Variants in PAM observed in about 807,000 individuals in gnomAD.
PAM encodes peptidyl-glycine alpha-amidating monooxygenase.
Under a neutral mutation model 122.1 loss-of-function variants are expected in PAM, and 72 were observed. That is an observed-to-expected ratio of 0.59 (90% confidence interval 0.49 to 0.72). PAM has a LOEUF of 0.72. Among genes scored for constraint, PAM ranks in the 30% least tolerant of loss-of-function variants. PAM has a pLI of 0.00. For missense variants in PAM, 1,106 were observed against 1,183.7 expected (o/e 0.93, Z 0.96); for synonymous variants, 389 against 404.4 (o/e 0.96, Z 0.46).
At chr5:102,769,795 G>A (rs1445071524) in intron 1 of PAM, among the ~76,000 whole-genome samples, 1 of 151,920 alleles carries the variant, frequency 6.6e-6, no homozygotes, top group Non-Finnish European at 1.5e-5. Flanking sequence ...TGATTCCTCT[G>A]GTTTTGTTCT....
At chr5:103,001,011 T>G (rs1777229475) in intron 16 of PAM, among the ~76,000 whole-genome samples, 2 of 152,092 alleles carry the variant, frequency 1.3e-5, no homozygotes, top group South Asian at 4.1e-4. Context: ...CCACACAATT[T>G]GGGTGGGGAC....
At chr5:102,783,513 T>C (rs539201813) in intron 1 of PAM, among the ~76,000 whole-genome samples, 24 of 152,184 alleles carry the variant, frequency 1.6e-4, no homozygotes, top group Non-Finnish European at 3.2e-4. Flanking sequence ...CACTGAAGTT[T>C]TCCCACCGTA....
intron 4 of PAM, among the ~76,000 whole-genome samples, chr5:102,904,971 G>A (rs1403561617): frequency 6.6e-6 from 1 of 151,568 alleles, no homozygotes; most frequent in Non-Finnish European, 1.5e-5. Context: ...TGTGTGATGT[G>A]TCTATATATC....
chr5:102,914,451 G>A (rs975880401), intron 5 of PAM, among the ~76,000 whole-genome samples: 2 of 151,980 alleles, frequency 1.3e-5, no homozygotes, highest in African/African-American at 2.4e-5. Flanking sequence ...TTCAATATAT[G>A]TATATTGTTA....
In PAM at chr5:103,025,237, G is replaced by A. The variant is rs1189427338; in HGVS notation, c.2592G>A (p.Val864=). 1.9e-6 allele frequency: 3 copies of A among 1,613,712 alleles called. No homozygotes were observed. The highest frequency in any genetic ancestry group is 2.5e-6 in the Non-Finnish European group (3 of 1,179,672). The part of the protein sequence containing the change: ...QKLIKEPGSG[V]PVVLITTLLV... ...TGATCAAAGAGCCAGGCTCGGGAGT[G>A]CCTGTTGTTCTCATTACAACCCTTC... Residue 864 remains valine (V), a synonymous_variant, in exon 24 of 26, where the codon GTG becomes GTA. Transcript: ENST00000438793.
At chr5:102,783,653 C>G (rs1263863562) in intron 1 of PAM, among the ~76,000 whole-genome samples, 1 of 152,148 alleles carries the variant, frequency 6.6e-6, no homozygotes, top group African/African-American at 2.4e-5. Context: ...GAAATTAATT[C>G]TCTTTAAACT....
intron 23 of PAM, among the ~76,000 whole-genome samples, chr5:103,024,469 CA>C (rs1784409811): frequency 6.6e-6 from 1 of 152,062 alleles, no homozygotes; most frequent in African/African-American, 2.4e-5. Flanking sequence ...TTGCTGAAAA[CA>C]ATATAAAAGA....
rs1779374965 is a variant in PAM at position 103,007,440 on chromosome 5, T to G, written c.2015-17T>G. The G allele has an allele frequency of 1.3e-6, 2 of 1,581,212 alleles. No homozygotes were observed. On this transcript the variant is annotated splice_polypyrimidine_tract_variant and intron_variant, in intron 19 of 25. Transcript: ENST00000438793. ...ATTTTTAACATTGTGTATCTAAGGC[T>G]TTTTTTTGTTCTGCAGAGTCTTCAG...
chr5:102,789,684 G>A (rs1266737930), intron 1 of PAM, among the ~76,000 whole-genome samples: 3 of 152,004 alleles, frequency 2.0e-5, no homozygotes, highest in African/African-American at 7.2e-5. Context: ...TTCAGTTTGG[G>A]AAGATAAACA....
intron 16 of PAM, among the ~76,000 whole-genome samples, chr5:102,991,686 T>TG (rs1774124249): frequency 6.6e-6 from 1 of 152,132 alleles, no homozygotes; most frequent in South Asian, 2.1e-4. Context: ...TTGTCATACT[T>TG]GAAAATGGAA....
intron 14 of PAM, among the ~76,000 whole-genome samples, chr5:102,963,554 C>A (rs1345224145): frequency 6.6e-6 from 1 of 151,920 alleles, no homozygotes; most frequent in African/African-American, 2.4e-5. Context: ...TATTTTAATA[C>A]TTTTTAGCCC....
At chr5:103,028,340 T>C (rs1785593410) in intron 25 of PAM, 102 bp downstream of exon 25, 2 of 835,364 alleles carry the variant, frequency 2.4e-6, no homozygotes, top group Non-Finnish European at 4.0e-6. Context: ...TCTCTGAAGA[T>C]AAAGCACCTT....
chr5:102,900,254 T>TGGGGGGGG (rs140960589), intron 3 of PAM, among the ~76,000 whole-genome samples: 2 of 26,976 alleles, frequency 7.4e-5, no homozygotes, highest in African/African-American at 3.5e-4. Context: ...TGTGTGTGTG[T>TGGGGGGGG]GGGGGGGGGG....
Position 102,937,954 on chromosome 5 carries a change from T to C in PAM, c.527-8883T>C, listed in dbSNP as rs187554531. Among the ~76,000 whole-genome samples the C allele has an allele frequency of 2.0e-5, 3 of 152,302 alleles. No homozygotes were observed. In the East Asian group the frequency reaches 5.8e-4, roughly 29 times the overall value. On this transcript the variant is annotated intron_variant, in intron 7 of 25. Coordinates refer to ENST00000438793, the MANE Select transcript of PAM (RefSeq NM_001177306.2). ...TCTCATTTGTGCCTTTTCATTTTCA[T>C]GTCTGAAGTAATCCATTTCCCTTAT...
intron 1 of PAM, among the ~76,000 whole-genome samples, chr5:102,813,961 G>T (rs1768781112): frequency 1.3e-5 from 2 of 152,160 alleles, no homozygotes; most frequent in Admixed American, 1.3e-4. Flanking sequence ...GCTTAGAGAA[G>T]ACTGTGCCCC....
chr5:102,936,391 C>T lies in PAM; in HGVS notation c.526+9723C>T, dbSNP rs541714140. Among the ~76,000 whole-genome samples, 75 of 152,210 alleles carry T rather than the reference C, an allele frequency of 4.9e-4. 1 individual carries two copies. Among genetic ancestry groups the T allele is most frequent in the Non-Finnish European group, 9.6e-4 (65 of 67,990 alleles). On this transcript the variant is annotated intron_variant, in intron 7 of 25. Transcript: ENST00000438793. ...CCCCAAAAATTTAGGACATATTCTTCCAGGATTTGCAGACTGTTACCCATT... is the reference window on the plus strand; with the variant it reads ...CCCCAAAAATTTAGGACATATTCTTTCAGGATTTGCAGACTGTTACCCATT...
At position 102,951,550 on chromosome 5, in the gene PAM, C is replaced by T. The variant is rs73175486; in HGVS notation, c.905+730C>T. Among the ~76,000 whole-genome samples the T allele has an allele frequency of 2.2e-3, 328 of 151,984 alleles. 1 individual carries two copies. The highest frequency in any genetic ancestry group is 6.1e-3 in the African/African-American group (252 of 41,490). On this transcript the variant is annotated intron_variant, in intron 12 of 25. Coordinates refer to ENST00000438793, the MANE Select transcript of PAM (RefSeq NM_001177306.2). Reference sequence around the variant, plus strand: ...AGCTAGAGTTTTAAACCATTTATGTCGTAATCAAAGAGAAGTTACAGAAAG... The same window carrying T: ...AGCTAGAGTTTTAAACCATTTATGTTGTAATCAAAGAGAAGTTACAGAAAG...
chr5:102,952,808 G>A lies in PAM; in HGVS notation c.905+1988G>A, dbSNP rs181504737. 9.2e-5 allele frequency among the ~76,000 whole-genome samples: 14 copies of A among 152,112 alleles called. No individual in the cohort carries two copies. In the East Asian group the frequency reaches 2.1e-3, roughly 23 times the overall value. ...AAATAAACTAGTAATTTATGATGTC[G>A]GTTAAATTAAATGATACTCTGTAAA... On this transcript the variant is annotated intron_variant, in intron 12 of 25. Coordinates refer to ENST00000438793, the MANE Select transcript of PAM (RefSeq NM_001177306.2).
At chr5:102,826,295 T>C (rs576473445) in intron 1 of PAM, among the ~76,000 whole-genome samples, 1 of 152,342 alleles carries the variant, frequency 6.6e-6, no homozygotes, top group East Asian at 1.9e-4. Context: ...TGAGACATTT[T>C]CTCCCTAAAC....
Sources: gnomAD v4.1 joint callset for allele counts (sites outside exome capture counted in the v4.1 genomes callset) on GRCh38, gnomAD v4.1.1 for gene constraint, MANE v1.5 for transcripts, NCBI Gene and HGNC (gene_info 2026-07-23, HGNC 2026-07-21) for gene names.